Variants in FILIP1 observed in about 807,000 individuals in gnomAD.
FILIP1 encodes filamin-A-interacting protein 1.
Under a neutral mutation model 102.1 loss-of-function variants are expected in FILIP1, and 61 were observed. The ratio of observed to expected loss-of-function variants is 0.60; its 90% CI spans 0.49 to 0.74. The LOEUF (loss-of-function observed/expected upper bound fraction) is 0.74. Among genes scored for constraint, FILIP1 ranks in the 30% least tolerant of loss-of-function variants. The probability of loss-of-function intolerance (pLI) is 0.00; values close to 1 mark genes in which losing one functional copy is unlikely to be tolerated. For missense variants in FILIP1, 1,314 were observed against 1,441.2 expected (o/e 0.91, Z 1.43); for synonymous variants, 491 against 526.9 (o/e 0.93, Z 0.93).
chr6:75,423,375 C>T (rs1216182929), intron 1 of FILIP1, among the ~76,000 whole-genome samples: 3 of 152,012 alleles, frequency 2.0e-5, no homozygotes, highest in Non-Finnish European at 2.9e-5. Context: ...GATTGTGATG[C>T]GCAACAAAAA....
intron 1 of FILIP1, among the ~76,000 whole-genome samples, chr6:75,481,973 C>T (rs1779660257): frequency 6.6e-6 from 1 of 152,090 alleles, no homozygotes; most frequent in East Asian, 1.9e-4. Context: ...TGTAGAAAAA[C>T]AAGACCTCTG....
chr6:75,388,833 T>C (rs1301694586), intron 2 of FILIP1, among the ~76,000 whole-genome samples: 1 of 152,224 alleles, frequency 6.6e-6, no homozygotes, highest in East Asian at 1.9e-4. Flanking sequence ...ATAATTTGCT[T>C]CCTCTCTTCC....
intron 2 of FILIP1, among the ~76,000 whole-genome samples, chr6:75,384,335 C>T (rs920929947): frequency 3.3e-5 from 5 of 152,160 alleles, no homozygotes; most frequent in African/African-American, 1.2e-4. Flanking sequence ...TGTCCTGCTC[C>T]TTGCTTTATA....
chr6:75,313,122 G>A lies in FILIP1; in HGVS notation c.2710C>T (p.Pro904Ser), dbSNP rs772945543. ...PGHPGEVVLS[P>S]KQGQPLHIRV... ...ATATGCAGGGGCTGGCCCTGCTTTGGTGAAAGGACTACCTCTCCTGGGTGC... is the reference window on the plus strand; with the variant it reads ...ATATGCAGGGGCTGGCCCTGCTTTGATGAAAGGACTACCTCTCCTGGGTGC... Residue 904 changes from proline (P) to serine (S), a missense_variant, in exon 5 of 6, where the codon CCA becomes TCA. Physicochemically the swap from Pro to Ser is moderately conservative, Grantham distance 74. Transcript: ENST00000237172. This position sits in a 1 kb window ranked among gnomAD's most constrained non-coding sequence, Gnocchi z 4.2. 17 of 1,614,038 alleles carry A rather than the reference G, an allele frequency of 1.1e-5. No homozygotes were observed. The South Asian group carries it at 1.5e-4, about 15-fold the overall frequency.
At chr6:75,292,837 G>GA (rs1229334051) in exon 7 of FILIP1, 1 of 152,102 alleles carries the variant, frequency 6.6e-6, no homozygotes, top group Non-Finnish European at 1.5e-5. Flanking sequence ...AGGAGAAAAG[G>GA]CAAAAACTTC....
At chr6:75,449,283 G>A (rs181517768) in intron 1 of FILIP1, among the ~76,000 whole-genome samples, 26 of 152,172 alleles carry the variant, frequency 1.7e-4, no homozygotes, top group African/African-American at 5.1e-4. Context: ...CTATGAAGAC[G>A]CAAAGGCATA....
intron 4 of FILIP1, among the ~76,000 whole-genome samples, chr6:75,325,745 T>C (rs1773826202): frequency 1.3e-5 from 2 of 152,006 alleles, no homozygotes; most frequent in Non-Finnish European, 1.5e-5. Flanking sequence ...AAAAAATAGA[T>C]GTTGGCATGG....
At chr6:75,398,920 A>G (rs566417271) in intron 2 of FILIP1, 28 of 152,262 alleles carry the variant, frequency 1.8e-4, no homozygotes, top group Non-Finnish European at 3.1e-4. Flanking sequence ...TGGGCCATCA[A>G]TGAAAAATGG....
intron 4 of FILIP1, chr6:75,319,066 TCA>T (rs1366601066): frequency 3.2e-5 from 24 of 741,318 alleles, no homozygotes; most frequent in Non-Finnish European, 5.1e-5. Context: ...TTCATCTTCT[TCA>T]CCTTCTTCCT....
chr6:75,430,656 G>T (rs1248304732), intron 1 of FILIP1, among the ~76,000 whole-genome samples: 3 of 152,138 alleles, frequency 2.0e-5, no homozygotes, highest in Non-Finnish European at 4.4e-5. Context: ...CTTTAGTAGT[G>T]GTCTCATATC....
chr6:75,358,713 T>TA (rs199694210), intron 3 of FILIP1: 1 of 145,870 alleles, frequency 6.9e-6, no homozygotes, highest in African/African-American at 2.8e-5. Flanking sequence ...TTTATTTAAT[T>TA]TTTTAATTTT....
intron 1 of FILIP1, among the ~76,000 whole-genome samples, chr6:75,445,143 GC>G (rs1232768297): frequency 1.3e-5 from 2 of 151,978 alleles, no homozygotes; most frequent in African/African-American, 4.8e-5. Flanking sequence ...CCTAAGTGCA[GC>G]CCCTCCAACT....
intron 4 of FILIP1, among the ~76,000 whole-genome samples, chr6:75,351,277 G>C (rs1774796819): frequency 2.0e-5 from 3 of 152,106 alleles, no homozygotes; most frequent in Admixed American, 2.0e-4. Context: ...TGGCCAGGCT[G>C]CTCTCGAACT....
intron 2 of FILIP1, among the ~76,000 whole-genome samples, chr6:75,400,830 A>C (rs942677118): frequency 6.6e-6 from 1 of 152,164 alleles, no homozygotes; most frequent in Non-Finnish European, 1.5e-5. Flanking sequence ...TGAAAGGGGA[A>C]GTAAAGAAAG....
intron 2 of FILIP1, among the ~76,000 whole-genome samples, chr6:75,403,692 A>C (rs1403194852): frequency 6.6e-6 from 1 of 152,130 alleles, no homozygotes; most frequent in East Asian, 1.9e-4. Context: ...GCCTGATTAG[A>C]TAGGAATGGT....
chr6:75,392,993 A>G (rs1359033859), intron 2 of FILIP1, among the ~76,000 whole-genome samples: 2 of 152,218 alleles, frequency 1.3e-5, no homozygotes, highest in Non-Finnish European at 2.9e-5. Flanking sequence ...AGTCTCAGGT[A>G]TGTCTTTATC....
At chr6:75,480,212 A>G (rs1779609940) in intron 1 of FILIP1, among the ~76,000 whole-genome samples, 1 of 151,182 alleles carries the variant, frequency 6.6e-6, no homozygotes, top group South Asian at 2.1e-4. Flanking sequence ...AACCCTATTG[A>G]TTGAATAATT....
At chr6:75,358,958 G>A (rs558688752) in intron 3 of FILIP1, among the ~76,000 whole-genome samples, 16 of 150,718 alleles carry the variant, frequency 1.1e-4, no homozygotes, top group Non-Finnish European at 1.2e-4. Context: ...TCCTGACCTC[G>A]TGATCTGACA....
chr6:75,403,819 G>A (rs887522332), intron 2 of FILIP1, among the ~76,000 whole-genome samples: 1 of 152,124 alleles, frequency 6.6e-6, no homozygotes, highest in Non-Finnish European at 1.5e-5. Flanking sequence ...AAATTCCTAA[G>A]CAACAGATAA....
Sources: gnomAD v4.1 joint callset for allele counts (sites outside exome capture counted in the v4.1 genomes callset) on GRCh38, gnomAD v4.1.1 for gene constraint, Gnocchi (gnomAD v3.1) non-coding constraint, MANE v1.5 for transcripts, NCBI Gene and HGNC (gene_info 2026-07-23, HGNC 2026-07-21) for gene names.